The following EXD3 variants were observed in gnomAD, a reference collection of about 807,000 sequenced individuals.
EXD3 encodes exonuclease mut-7 homolog.
In EXD3, 92 loss-of-function variants were observed where a neutral mutation model predicts 98.0. The observed-to-expected ratio is 0.94, with a 90% CI of 0.79 to 1.12. The LOEUF is 1.12. EXD3 is among the 50% of genes most tolerant of loss of function. The pLI is 0.00. For missense variants in EXD3, 1,222 were observed against 1,191.6 expected (o/e 1.03, Z -0.38); for synonymous variants, 569 against 526.0 (o/e 1.08, Z -1.12).
rs114928808 is a variant in EXD3 at position 137,382,595 on chromosome 9, G to A, written c.120+718C>T. Among the ~76,000 whole-genome samples the A allele has an allele frequency of 3.4e-3, 518 of 152,320 alleles. 4 individuals are homozygous for A. Among genetic ancestry groups the A allele is most frequent in the African/African-American group, 0.011 (461 of 41,556 alleles). ...GATGGACAAACGAAAGCTGGCAGAG[G>A]TGGGTGCAGGAGAGAGGCAGACACA... is the stretch of plus-strand genomic sequence containing the variant. On this transcript the variant is annotated intron_variant, in intron 3 of 21. Coordinates refer to ENST00000340951, the MANE Select transcript of EXD3 (RefSeq NM_017820.5).
rs1837760391 is a variant in EXD3, at chr9:137,407,188, G to A, written c.-47-11784C>T. Among the ~76,000 whole-genome samples the A allele has an allele frequency of 1.3e-5, 2 of 152,282 alleles. No individual in the cohort carries two copies. The highest frequency in any genetic ancestry group is 4.8e-5 in the African/African-American group (2 of 41,566). ...CCCTCTGCTGGTGGAACCCGGCAGC[G>A]CCTCCTCCGTCTCAGCCGCGTCGGT... On this transcript the variant is annotated intron_variant, in intron 1 of 21. Coordinates refer to ENST00000340951, the MANE Select transcript of EXD3 (RefSeq NM_017820.5). The surrounding 1 kb of genome is among the most constrained non-coding windows in gnomAD (Gnocchi z 4.4).
intron 1 of EXD3, among the ~76,000 whole-genome samples, chr9:137,406,914 G>A (rs1015657176): frequency 4.6e-5 from 7 of 152,114 alleles, no homozygotes; most frequent in Non-Finnish European, 1.0e-4. Flanking sequence ...GGGACCCGAC[G>A]GGGCAGCCCC....
At position 137,307,563 on chromosome 9, in the gene EXD3, C is replaced by T. The variant is rs574536014; in HGVS notation, c.2317+45G>A. 9.7e-5 allele frequency: 156 copies of T among 1,603,144 alleles called. 2 individuals carry two copies. In the East Asian group the frequency reaches 2.9e-3, roughly 30 times the overall value. ...TCTGGGGGAAGCCTGGCACCAGGGC[C>T]GCAGAGAAGCAGCTGTGTCCTTGGT... On this transcript the variant is annotated intron_variant, in intron 21 of 21. Coordinates refer to ENST00000340951, the MANE Select transcript of EXD3 (RefSeq NM_017820.5).
At chr9:137,386,709 G>A (rs1049039340) in intron 2 of EXD3, among the ~76,000 whole-genome samples, 1 of 152,052 alleles carries the variant, frequency 6.6e-6, no homozygotes, top group Non-Finnish European at 1.5e-5. Flanking sequence ...CTGCCCCTTG[G>A]GCCTGAGGCT....
intron 2 of EXD3, among the ~76,000 whole-genome samples, chr9:137,390,631 T>G (rs1421444431): frequency 1.3e-5 from 2 of 152,144 alleles, no homozygotes; most frequent in Non-Finnish European, 2.9e-5. Context: ...GTGAGGAAGA[T>G]GAGCCCTCTC....
intron 3 of EXD3, among the ~76,000 whole-genome samples, chr9:137,375,036 T>A (rs1835824168): frequency 6.7e-6 from 1 of 149,966 alleles, no homozygotes; most frequent in South Asian, 2.1e-4. Flanking sequence ...TGAGACGGAG[T>A]CTCGCTCTGT....
chr9:137,365,853 C>T (rs1481592692), intron 7 of EXD3: 1 of 358,692 alleles, frequency 2.8e-6, no homozygotes, highest in Non-Finnish European at 5.5e-6. Context: ...CAAACGAACA[C>T]AATGCACACA....
At chr9:137,348,970 C>T in intron 16 of EXD3, 140 bp downstream of exon 16, 1 of 1,043,018 alleles carries the variant, frequency 9.6e-7, no homozygotes, top group Admixed American at 3.0e-5. Flanking sequence ...CAGGACTTTG[C>T]TCCCCTCTCG....
Position 137,349,160 on chromosome 9 carries a change from G to A in EXD3, c.1780C>T (p.Arg594Trp), listed in dbSNP as rs563416988. 1.3e-5 allele frequency: 20 copies of A among 1,595,680 alleles called. No individual in the cohort carries two copies. The highest frequency in any genetic ancestry group is 8.5e-5 in the Admixed American group (5 of 58,674). Residue 594 changes from arginine to tryptophan, a missense_variant, in exon 16 of 22, where the codon CGG (arginine) becomes TGG (tryptophan). Coordinates refer to ENST00000340951, the MANE Select transcript of EXD3 (RefSeq NM_017820.5). This position sits in a 1 kb window ranked among gnomAD's most constrained non-coding sequence, Gnocchi z 7.4. ...RPRHRERPGARKPPGLQKASA... is the reference protein window; with the variant it reads ...RPRHRERPGAWKPPGLQKASA... ...GCTTTCTGCAGGCCGGGTGGCTTCC[G>A]TGCCCCTGGTCTCTCTCTGTGCCTG... is the stretch of plus-strand genomic sequence containing the variant.
At chr9:137,338,892 CAAAA>C (rs766408966) in intron 17 of EXD3, among the ~76,000 whole-genome samples, 4 of 63,530 alleles carry the variant, frequency 6.3e-5, no homozygotes, top group Admixed American at 3.9e-4. Flanking sequence ...GACTCCATCT[CAAAA>C]AAAAAAAAAA....
chr9:137,372,920 C>T lies in EXD3; in HGVS notation c.447G>A (p.Glu149=), dbSNP rs1014253449. 3.8e-6 allele frequency: 6 copies of T among 1,599,474 alleles called. No individual in the cohort carries two copies. Among genetic ancestry groups the T allele is most frequent in the Non-Finnish European group, 4.2e-6 (5 of 1,179,708 alleles). The change falls in exon 5 of 22, where the codon GAG becomes GAA. Residue 149 remains glutamate, a synonymous_variant. Transcript: ENST00000340951. The part of the protein sequence containing the change: ...LLAHVHRLHH[E]GRFREAATLG... ...GGCCACTCACTTCTCTGAACCTGCC[C>T]TCGTGGTGGAGGCGGTGGACGTGTG...
chr9:137,416,964 G>A (rs898944804), intron 1 of EXD3, among the ~76,000 whole-genome samples: 5 of 152,218 alleles, frequency 3.3e-5, no homozygotes, highest in African/African-American at 1.2e-4. Context: ...GACAGACGCG[G>A]CCAGAACACG....
intron 2 of EXD3, among the ~76,000 whole-genome samples, chr9:137,387,423 A>G (rs952878916): frequency 6.6e-6 from 1 of 152,092 alleles, no homozygotes; most frequent in Non-Finnish European, 1.5e-5. Flanking sequence ...GTGTGGCGGG[A>G]CAAGTGTCTG....
chr9:137,403,653 C>T lies in EXD3; in HGVS notation c.-47-8249G>A, dbSNP rs1489690379. Among the ~76,000 whole-genome samples, 2 of 152,252 alleles carry T rather than the reference C, an allele frequency of 1.3e-5. No homozygotes were observed. Among genetic ancestry groups the T allele is most frequent in the African/African-American group, 4.8e-5 (2 of 41,544 alleles). On this transcript the variant is annotated intron_variant, in intron 1 of 21. Coordinates refer to ENST00000340951, the MANE Select transcript of EXD3 (RefSeq NM_017820.5). The surrounding 1 kb of genome is among the most constrained non-coding windows in gnomAD (Gnocchi z 6.1). ...TTCTTTTGCTGTCACCTTAATTGGC[C>T]TTGGGGGAGATGGACCAGCAGGCCC... is the stretch of plus-strand genomic sequence containing the variant.
At chr9:137,314,699 A>G (rs1831549023) in intron 19 of EXD3, among the ~76,000 whole-genome samples, 1 of 151,612 alleles carries the variant, frequency 6.6e-6, no homozygotes, top group South Asian at 2.1e-4. Context: ...TTGTGTGGCC[A>G]GGACAATGTC....
chr9:137,352,346 C>T, intron 11 of EXD3, 145 bp from the exon 12 acceptor site: 1 of 1,198,638 alleles, frequency 8.3e-7, no homozygotes, highest in Non-Finnish European at 1.2e-6. Flanking sequence ...CAGTCCAGCC[C>T]AGCGTGACCC....
At chr9:137,352,582 A>C in intron 11 of EXD3, 38 bp downstream of exon 11, 1 of 1,502,650 alleles carries the variant, frequency 6.7e-7, no homozygotes, top group Non-Finnish European at 8.9e-7. Context: ...CCCTGGGCGG[A>C]ACCCACCCCT....
At position 137,373,329 on chromosome 9, in the gene EXD3, G is replaced by A. The variant is rs1470910670; in HGVS notation, c.294+97C>T. ...CCCCTCCCCTTCCCTGGCTTGCTGA[G>A]CGGGCTGCAAAGGCCTGGGCAGGTG... On this transcript the variant is annotated intron_variant, in intron 4 of 21. Transcript: ENST00000340951. 3.5e-6 allele frequency: 5 copies of A among 1,415,720 alleles called. No individual in the cohort carries two copies. The African/African-American group carries it at 7.1e-5, about 20-fold the overall frequency. 87.7% of individuals were successfully genotyped at this position (1,415,720 alleles called of 1,614,324 possible).
At chr9:137,422,277 G>C (rs1319762583) in intron 1 of EXD3, among the ~76,000 whole-genome samples, 1 of 152,116 alleles carries the variant, frequency 6.6e-6, no homozygotes, top group Non-Finnish European at 1.5e-5. Context: ...CAAAAGGGGG[G>C]CAAATGAGAA....
Sources: gnomAD v4.1 joint callset for allele counts (sites outside exome capture counted in the v4.1 genomes callset) on GRCh38, gnomAD v4.1.1 for gene constraint, Gnocchi (gnomAD v3.1) non-coding constraint, MANE v1.5 for transcripts, NCBI Gene and HGNC (gene_info 2026-07-23, HGNC 2026-07-21) for gene names.